Variants in STIMATE observed in about 807,000 individuals in gnomAD.
STIMATE encodes the protein STIM activating enhancer, also known as store-operated calcium entry regulator STIMATE.
A neutral mutation model predicts 36.7 loss-of-function variants in STIMATE; 15 were observed. The ratio of observed to expected loss-of-function variants is 0.41; its 90% CI spans 0.27 to 0.63. STIMATE has a LOEUF of 0.63. Among genes scored for constraint, STIMATE ranks in the 20% least tolerant of loss-of-function variants. The probability of loss-of-function intolerance (pLI) is 0.32; values close to 1 mark genes in which losing one functional copy is unlikely to be tolerated. For missense variants in STIMATE, 305 were observed against 397.3 expected (o/e 0.77, Z 1.98); for synonymous variants, 163 against 162.3 (o/e 1.00, Z -0.03).
At chr3:52,886,453 T>C (rs115139213) in intron 1 of STIMATE, among the ~76,000 whole-genome samples, 312 of 152,286 alleles carry the variant, frequency 2.0e-3, no homozygotes, top group African/African-American at 7.4e-3. Flanking sequence ...AGTAAGATGA[T>C]ATGAGTACTC....
At position 52,849,867 on chromosome 3, in the gene STIMATE, T is replaced by C. The variant is rs773385061; in HGVS notation, c.352A>G (p.Ile118Val). 1.2e-6 allele frequency: 2 copies of C among 1,613,796 alleles called. No individual in the cohort carries two copies. The highest frequency in any genetic ancestry group is 1.1e-5 in the South Asian group (1 of 91,074). Reference protein sequence around the residue: ...LLDATVGMLLIYVGVRAVSVL... With the variant: ...LLDATVGMLLVYVGVRAVSVL... Reference sequence around the variant, plus strand: ...CTGACGGCGCGCACCCCCACGTAGATGAGCAGCATGCCCACAGTGGCGTCC... The same window carrying C: ...CTGACGGCGCGCACCCCCACGTAGACGAGCAGCATGCCCACAGTGGCGTCC... The change falls in exon 4 of 8, where the codon ATC becomes GTC. Residue 118 changes from isoleucine (I) to valine (V), a missense_variant. Physicochemically the swap from Ile to Val is conservative, Grantham distance 29. Transcript: ENST00000355083.
intron 7 of STIMATE, 87 bp from the exon 8 acceptor site, chr3:52,840,697 C>A (rs1200518760): frequency 2.8e-4 from 286 of 1,003,580 alleles, no homozygotes; most frequent in Non-Finnish European, 3.7e-4. Context: ...CTTCAAGTCT[C>A]ATGTTTTTTT....
At chr3:52,884,705 C>T (rs893684661) in intron 1 of STIMATE, among the ~76,000 whole-genome samples, 3 of 152,230 alleles carry the variant, frequency 2.0e-5, no homozygotes, top group African/African-American at 7.2e-5. Context: ...TCAGCATACT[C>T]AACCATGAGA....
chr3:52,871,043 C>T (rs939668428), intron 1 of STIMATE, among the ~76,000 whole-genome samples: 2 of 152,066 alleles, frequency 1.3e-5, no homozygotes, highest in Admixed American at 6.5e-5. Flanking sequence ...CACTTGCCTA[C>T]CCCACATCCT....
chr3:52,881,046 G>T (rs1304844301), intron 1 of STIMATE, among the ~76,000 whole-genome samples: 1 of 152,068 alleles, frequency 6.6e-6, no homozygotes. Flanking sequence ...AAATTAGCCA[G>T]ATGTGGTGGG....
chr3:52,889,953 T>TTTCTGGAATAAGGAAGGCTCTCTGGAAA (rs1701755358), intron 1 of STIMATE, among the ~76,000 whole-genome samples: 1 of 152,162 alleles, frequency 6.6e-6, no homozygotes, highest in Non-Finnish European at 1.5e-5. Context: ...CTGAATACAC[T>TTTCTGGAATAAGGAAGGCTCTCTGGAAA]GCCTCTTTGT....
chr3:52,847,828 G>A (rs532550366), intron 4 of STIMATE, among the ~76,000 whole-genome samples: 1 of 152,328 alleles, frequency 6.6e-6, no homozygotes, highest in South Asian at 2.1e-4. Flanking sequence ...TGGGGCCAAT[G>A]TAATCACAAG....
intron 4 of STIMATE, among the ~76,000 whole-genome samples, chr3:52,846,849 C>A (rs1443470936): frequency 6.6e-6 from 1 of 152,200 alleles, no homozygotes; most frequent in East Asian, 1.9e-4. Flanking sequence ...CCCCCACAGT[C>A]TCCTCTTTAA....
intron 1 of STIMATE, among the ~76,000 whole-genome samples, chr3:52,871,848 C>T (rs898927256): frequency 6.6e-6 from 1 of 152,206 alleles, no homozygotes; most frequent in Non-Finnish European, 1.5e-5. Flanking sequence ...CACAACCCCC[C>T]CATGCCTTTC....
At chr3:52,862,574 T>C (rs1375727050) in intron 1 of STIMATE, among the ~76,000 whole-genome samples, 2 of 152,062 alleles carry the variant, frequency 1.3e-5, no homozygotes, top group African/African-American at 2.4e-5. Flanking sequence ...ATTCAAAGAG[T>C]ATATTATTTT....
rs34298807 is a variant in STIMATE at position 52,859,502 on chromosome 3, C to CAAAAAA, written c.161-4064_161-4059dup. 2.6e-3 allele frequency among the ~76,000 whole-genome samples: 41 copies of CAAAAAA among 15,640 alleles called. 4 individuals carry two copies. Among genetic ancestry groups the CAAAAAA allele is most frequent in the Admixed American group, 8.0e-3 (4 of 498 alleles). The allele number at this position is 15,640 out of a possible 152,430, so 10.3% of individuals were successfully genotyped here. A position where few individuals can be genotyped will look rare whatever the true frequency, so the allele number is the denominator to read the frequency against. On this transcript the variant is annotated intron_variant, in intron 1 of 7. Coordinates refer to ENST00000355083, the MANE Select transcript of STIMATE (RefSeq NM_198563.5). ...AGCAACAAAGCAAGACCCATTTCTC[C>CAAAAAA]AAAAAAAAAAAAAAAAAAAAAAAAA...
chr3:52,870,362 T>G (rs1423070960), intron 1 of STIMATE, among the ~76,000 whole-genome samples: 2 of 151,984 alleles, frequency 1.3e-5, no homozygotes, highest in Non-Finnish European at 2.9e-5. Flanking sequence ...CGATCACTGG[T>G]GGTTGTATCA....
rs930854981 is a variant in STIMATE at position 52,840,489 on chromosome 3, A to G, written c.*5T>C. 4 of 1,613,242 alleles carry G rather than the reference A, an allele frequency of 2.5e-6. No homozygotes were observed. The highest frequency in any genetic ancestry group is 3.4e-6 in the Non-Finnish European group (4 of 1,179,502). On this transcript the variant is annotated 3_prime_UTR_variant, in exon 8 of 8. Transcript: ENST00000355083. Reference sequence around the variant, plus strand: ...CCCTCCCGTCACCCCCAGCATGGGAATGTGTCATACGGGTAGCCCAAAGCG... The same window carrying G: ...CCCTCCCGTCACCCCCAGCATGGGAGTGTGTCATACGGGTAGCCCAAAGCG...
At chr3:52,853,927 T>C (rs1291089383) in intron 2 of STIMATE, among the ~76,000 whole-genome samples, 2 of 152,250 alleles carry the variant, frequency 1.3e-5, no homozygotes, top group Non-Finnish European at 1.5e-5. Context: ...AAGAGCTGAC[T>C]GTATCCTTCC....
chr3:52,841,495 C>A (rs1257728606), intron 7 of STIMATE, among the ~76,000 whole-genome samples: 1 of 152,216 alleles, frequency 6.6e-6, no homozygotes, highest in Admixed American at 6.5e-5. Context: ...GCTCCTTAGA[C>A]CTCTGAATAC....
intron 1 of STIMATE, among the ~76,000 whole-genome samples, chr3:52,867,223 T>C (rs762300416): frequency 4.6e-5 from 7 of 152,216 alleles, no homozygotes; most frequent in Non-Finnish European, 7.3e-5. Context: ...GTTAAATATT[T>C]GTATTGTTAC....
chr3:52,886,549 T>G (rs150188959), intron 1 of STIMATE, among the ~76,000 whole-genome samples: 1 of 152,280 alleles, frequency 6.6e-6, no homozygotes, highest in Non-Finnish European at 1.5e-5. Context: ...ACTCTACACA[T>G]GTGACTCAGT....
intron 4 of STIMATE, chr3:52,847,396 G>A (rs892835529): frequency 7.1e-5 from 91 of 1,274,180 alleles, no homozygotes; most frequent in South Asian, 1.5e-4. Context: ...ATGAAGCACC[G>A]TGACCCAGAT....
At chr3:52,887,196 T>C (rs892753416) in intron 1 of STIMATE, among the ~76,000 whole-genome samples, 1 of 152,226 alleles carries the variant, frequency 6.6e-6, no homozygotes, top group Non-Finnish European at 1.5e-5. Flanking sequence ...TGTGGTTACA[T>C]AAAAGAACAC....
Sources: allele counts gnomAD v4.1 joint callset (sites outside exome capture counted in the v4.1 genomes callset), GRCh38; gene constraint gnomAD v4.1.1; transcripts MANE v1.5; gene names NCBI Gene and HGNC (gene_info 2026-07-23, HGNC 2026-07-21).